Variants in SORBS2 observed in about 807,000 individuals in gnomAD.
SORBS2 encodes the protein sorbin and SH3 domain-containing protein 2.
Under a neutral mutation model 97.7 loss-of-function variants are expected in SORBS2, and 46 were observed. That is an observed-to-expected ratio of 0.47 (90% CI 0.37 to 0.60). The LOEUF (loss-of-function observed/expected upper bound fraction) is 0.60. SORBS2 is among the 20% of genes least tolerant of loss of function. The pLI, the probability that SORBS2 is intolerant of heterozygous loss-of-function variation, is 0.00. For missense variants in SORBS2, 1,316 were observed against 1,282.3 expected (o/e 1.03, Z -0.40); for synonymous variants, 476 against 473.4 (o/e 1.01, Z -0.07).
At chr4:185,871,282 G>A (rs951715372) in intron 1 of SORBS2, among the ~76,000 whole-genome samples, 1 of 152,006 alleles carries the variant, frequency 6.6e-6, no homozygotes, top group African/African-American at 2.4e-5. Flanking sequence ...AGAATACCGA[G>A]GACATGAAGC....
chr4:185,818,072 C>T (rs1461761302), intron 1 of SORBS2, among the ~76,000 whole-genome samples: 2 of 152,208 alleles, frequency 1.3e-5, no homozygotes, highest in East Asian at 1.9e-4. Flanking sequence ...AGTGACAGCA[C>T]GTGCAGGTAG....
chr4:185,815,564 A>G (rs1199269528), intron 1 of SORBS2, among the ~76,000 whole-genome samples: 2 of 152,210 alleles, frequency 1.3e-5, no homozygotes, highest in Non-Finnish European at 2.9e-5. Flanking sequence ...TAAGACAAAT[A>G]TTTGTTTAGA....
intron 1 of SORBS2, among the ~76,000 whole-genome samples, chr4:185,864,408 T>C (rs2099225647): frequency 6.6e-6 from 1 of 152,252 alleles, no homozygotes; most frequent in Non-Finnish European, 1.5e-5. Context: ...GTAAGACTTT[T>C]ACATGCTGAT....
At chr4:185,879,729 G>A (rs1265789760) in intron 1 of SORBS2, among the ~76,000 whole-genome samples, 2 of 152,068 alleles carry the variant, frequency 1.3e-5, no homozygotes, top group Non-Finnish European at 2.9e-5. Context: ...GTGTGAGATG[G>A]TATCTCATTG....
chr4:185,907,685 A>G (rs1250506527), intron 1 of SORBS2, among the ~76,000 whole-genome samples: 2 of 152,170 alleles, frequency 1.3e-5, no homozygotes. Context: ...TTTAGTGGAA[A>G]ATACAAGGAT....
At chr4:185,687,134 C>G (rs1308306463) in intron 2 of SORBS2, among the ~76,000 whole-genome samples, 2 of 152,070 alleles carry the variant, frequency 1.3e-5, no homozygotes, top group Non-Finnish European at 2.9e-5. Context: ...TCAAACTGAT[C>G]CTCCTACCTC....
chr4:185,876,257 G>T (rs1361282005), intron 1 of SORBS2, among the ~76,000 whole-genome samples: 2 of 152,056 alleles, frequency 1.3e-5, no homozygotes, highest in African/African-American at 4.8e-5. Flanking sequence ...ACAGGCATGT[G>T]CCACCTCACC....
Position 185,607,351 on chromosome 4 carries a change from T to C in SORBS2, c.2796+4429A>G. On this transcript the variant is annotated intron_variant, in intron 12 of 14. Coordinates refer to ENST00000418609, the Ensembl canonical transcript of SORBS2. This position sits in a 1 kb window ranked among gnomAD's most constrained non-coding sequence, Gnocchi z 5.2. ...AGGGGCTGGTTCACTGGAAGCCAAC[T>C]TGGAAATGAGCACGGATTATGAAGT... 1.6e-6 allele frequency: 2 copies of C among 1,284,356 alleles called. No homozygotes were observed. The highest frequency in any genetic ancestry group is 1.2e-5 in the South Asian group (1 of 80,876). The allele number at this position is 1,284,356 out of a possible 1,614,324, so 79.6% of individuals were successfully genotyped here.
intron 1 of SORBS2, among the ~76,000 whole-genome samples, chr4:185,850,910 C>A (rs145854835): frequency 6.6e-6 from 1 of 152,196 alleles, no homozygotes; most frequent in South Asian, 2.1e-4. Flanking sequence ...AAAAGGCACA[C>A]GAGGGTAAAT....
intron 1 of SORBS2, among the ~76,000 whole-genome samples, chr4:185,888,423 A>T (rs1320345441): frequency 2.0e-5 from 3 of 152,178 alleles, no homozygotes; most frequent in Admixed American, 6.5e-5. Flanking sequence ...GCTGGTAGCC[A>T]CCAAAATTTG....
intron 11 of SORBS2, 73 bp from the exon 24 acceptor site, chr4:185,612,053 C>T: frequency 8.7e-7 from 1 of 1,154,940 alleles, no homozygotes; most frequent in Non-Finnish European, 1.2e-6. Context: ...TCAATGTTTT[C>T]TATGAAAAAA....
At position 185,837,818 on chromosome 4, in the gene SORBS2, T is replaced by C. The variant is rs2099208979; in HGVS notation, c.-337-62452A>G. Among the ~76,000 whole-genome samples, 4 of 150,940 alleles carry C rather than the reference T, an allele frequency of 2.7e-5. No homozygotes were observed. The South Asian group carries it at 8.4e-4, about 32-fold the overall frequency. ...AATTACTCTAAGACTATACAGACTATCCCCAAAGGCATAATTTCTTTAATA... is the reference window on the plus strand; with the variant it reads ...AATTACTCTAAGACTATACAGACTACCCCCAAAGGCATAATTTCTTTAATA... On this transcript the variant is annotated intron_variant, in intron 1 of 20. Transcript: ENST00000284776.
At chr4:185,678,201 C>G (rs1049538819) in intron 4 of SORBS2, among the ~76,000 whole-genome samples, 4 of 152,300 alleles carry the variant, frequency 2.6e-5, no homozygotes, top group African/African-American at 7.2e-5. Context: ...AACCGACATA[C>G]TTTGATAAGC....
intron 1 of SORBS2, among the ~76,000 whole-genome samples, chr4:185,846,968 G>T (rs2099214892): frequency 6.6e-6 from 1 of 152,118 alleles, no homozygotes; most frequent in Non-Finnish European, 1.5e-5. Context: ...GGTAGATGAG[G>T]ATATCCAGAA....
chr4:185,863,835 C>T (rs2099225296), intron 1 of SORBS2, among the ~76,000 whole-genome samples: 1 of 152,084 alleles, frequency 6.6e-6, no homozygotes, highest in Non-Finnish European at 1.5e-5. Context: ...CATTATAAGC[C>T]TTTAATTTTC....
At chr4:185,660,749 A>C (rs1054725707), upstream of SORBS2, among the ~76,000 whole-genome samples, 2 of 152,102 alleles carry the variant, frequency 1.3e-5, no homozygotes, top group East Asian at 1.9e-4. Flanking sequence ...CCTGGGTTTT[A>C]GTTTCTTTCC....
chr4:185,719,659 C>T (rs1583378326), intron 2 of SORBS2, among the ~76,000 whole-genome samples: 1 of 152,340 alleles, frequency 6.6e-6, no homozygotes, highest in East Asian at 1.9e-4. Context: ...AAATGAGTAG[C>T]ACTTGACAAG....
chr4:185,772,640 A>G (rs2098978139), intron 2 of SORBS2: 1 of 152,206 alleles, frequency 6.6e-6, no homozygotes, highest in Non-Finnish European at 1.5e-5. Flanking sequence ...GCAGACCTCT[A>G]TCTGCCAGTG....
chr4:185,819,391 C>T (rs1476518937), intron 1 of SORBS2, among the ~76,000 whole-genome samples: 3 of 152,228 alleles, frequency 2.0e-5, no homozygotes, highest in African/African-American at 2.4e-5. Flanking sequence ...ACATTTTCCG[C>T]TTGAGTTGGC....
Sources: allele counts gnomAD v4.1 joint callset (sites outside exome capture counted in the v4.1 genomes callset), GRCh38; gene constraint gnomAD v4.1.1; non-coding constraint Gnocchi (gnomAD v3.1); transcripts MANE v1.5; gene names NCBI Gene and HGNC (gene_info 2026-07-23, HGNC 2026-07-21).